ROR2: variants seen among roughly 807,000 people sequenced by gnomAD.
ROR2 encodes the protein ROR family WNT receptor 2, also known as tyrosine-protein kinase transmembrane receptor ROR2.
Under a neutral mutation model 74.9 loss-of-function variants are expected in ROR2, and 33 were observed. That is an observed-to-expected ratio of 0.44 (90% CI 0.33 to 0.59). The LOEUF (loss-of-function observed/expected upper bound fraction) is 0.59. ROR2 is among the 20% of genes least tolerant of loss of function. The pLI is 0.02. For synonymous variants in ROR2, 586 were observed against 558.7 expected, an observed-to-expected ratio of 1.05 and a Z score of -0.69; for missense variants, 1,216 against 1,313.8, an observed-to-expected ratio of 0.93 and a Z score of 1.15.
chr9:91,783,724 A>G (rs1392561454), intron 1 of ROR2, among the ~76,000 whole-genome samples: 1 of 152,182 alleles, frequency 6.6e-6, no homozygotes, highest in Non-Finnish European at 1.5e-5. Flanking sequence ...CGGCTCTGCG[A>G]GCCTGGAGGG....
intron 1 of ROR2, among the ~76,000 whole-genome samples, chr9:91,796,007 C>T (rs1000174754): frequency 6.6e-6 from 1 of 152,138 alleles, no homozygotes; most frequent in African/African-American, 2.4e-5. Context: ...TGGTGGCACT[C>T]CCAGGCAAAG....
intron 1 of ROR2, among the ~76,000 whole-genome samples, chr9:91,876,968 A>G (rs1451689272): frequency 6.6e-6 from 1 of 152,186 alleles, no homozygotes; most frequent in Non-Finnish European, 1.5e-5. Context: ...AACAAAAGAC[A>G]TGCACATTTA....
At chr9:91,947,672 G>A (rs1832045873) in intron 1 of ROR2, among the ~76,000 whole-genome samples, 1 of 152,070 alleles carries the variant, frequency 6.6e-6, no homozygotes, top group African/African-American at 2.4e-5. Flanking sequence ...ACCTAGGATT[G>A]GTATATAGTC....
rs375692355 is a variant in ROR2 at position 91,772,288 on chromosome 9, C to A, written c.175+3453G>T. 2.6e-5 allele frequency among the ~76,000 whole-genome samples: 4 copies of A among 152,324 alleles called. No individual in the cohort carries two copies. The South Asian group carries it at 8.3e-4, about 32-fold the overall frequency. ...CTGTCCCGCTAAGAGTGCTGATGAT[C>A]CACCAATCATCACGATGGTGATGCT... On this transcript the variant is annotated intron_variant, in intron 2 of 8. Transcript: ENST00000375708.
At chr9:91,744,572 C>T (rs7031600) in intron 4 of ROR2, among the ~76,000 whole-genome samples, 13,096 of 152,112 alleles carry the variant, frequency 0.086, 791 homozygotes, top group African/African-American at 0.17. Context: ...GAGAATTAGA[C>T]GCTGTATATT....
chr9:91,788,734 G>A (rs12553067), intron 1 of ROR2, among the ~76,000 whole-genome samples: 44,221 of 151,364 alleles, frequency 0.29, 6,723 homozygotes, highest in South Asian at 0.38. Flanking sequence ...GCGTGGTGGC[G>A]GGCACCTGTA....
At chr9:91,892,348 G>A (rs553359555) in intron 1 of ROR2, among the ~76,000 whole-genome samples, 4 of 152,196 alleles carry the variant, frequency 2.6e-5, no homozygotes, top group Non-Finnish European at 4.4e-5. Flanking sequence ...AGAGCAGCCT[G>A]GGACAGAACC....
chr9:91,896,986 G>A (rs1009826523), intron 1 of ROR2, among the ~76,000 whole-genome samples: 11 of 152,182 alleles, frequency 7.2e-5, no homozygotes, highest in African/African-American at 1.4e-4. Flanking sequence ...TTTAAAGAGC[G>A]AGTGGGAGCA....
At chr9:91,740,514 T>C (rs1825193355) in intron 4 of ROR2, among the ~76,000 whole-genome samples, 1 of 148,440 alleles carries the variant, frequency 6.7e-6, no homozygotes, top group Non-Finnish European at 1.5e-5. Flanking sequence ...AATACGCCAC[T>C]GCACTCCAGC....
chr9:91,768,942 G>A (rs1043495127), intron 2 of ROR2, among the ~76,000 whole-genome samples: 5 of 152,186 alleles, frequency 3.3e-5, no homozygotes, highest in Non-Finnish European at 7.3e-5. Context: ...CCTCGAACAT[G>A]GCCTTCAGCC....
chr9:91,805,036 A>G (rs186147034), intron 1 of ROR2, among the ~76,000 whole-genome samples: 18 of 152,344 alleles, frequency 1.2e-4, no homozygotes, highest in Admixed American at 9.8e-4. Context: ...TGGTAGGACG[A>G]AAGTAGTATT....
At position 91,757,255 on chromosome 9, in the gene ROR2, T is replaced by A. The variant is rs1482841025; in HGVS notation, c.463+17A>T. 6.2e-7 allele frequency: 1 copy of A among 1,613,686 alleles called. No homozygotes were observed. Among genetic ancestry groups the A allele is most frequent in the South Asian group, 1.1e-5 (1 of 91,042 alleles). On this transcript the variant is annotated intron_variant, in intron 3 of 8. Transcript: ENST00000375708. ...CTTCATATCTGCTAACCCACACAAT[T>A]TCACTGTCCAACTCACCCAGCCGCA...
chr9:91,753,578 T>TAGAGAAACCCAGCCAC (rs1296095042), intron 4 of ROR2, among the ~76,000 whole-genome samples: 1 of 152,100 alleles, frequency 6.6e-6, no homozygotes, highest in East Asian at 1.9e-4. Context: ...GAATCTCTCC[T>TAGAGAAACCCAGCCAC]AGAGAAACCC....
chr9:91,811,696 C>A (rs2119104453), intron 1 of ROR2, among the ~76,000 whole-genome samples: 1 of 152,334 alleles, frequency 6.6e-6, no homozygotes, highest in Admixed American at 6.5e-5. Flanking sequence ...CCAGGGGCAG[C>A]CCCACACCTG....
intron 7 of ROR2, among the ~76,000 whole-genome samples, chr9:91,728,893 C>T (rs1244410764): frequency 6.6e-6 from 1 of 152,172 alleles, no homozygotes; most frequent in Non-Finnish European, 1.5e-5. Context: ...TCTCCAACTG[C>T]CCCATCCAGC....
intron 2 of ROR2, among the ~76,000 whole-genome samples, chr9:91,760,199 G>A (rs1825869481): frequency 6.6e-6 from 1 of 152,160 alleles, no homozygotes; most frequent in African/African-American, 2.4e-5. Context: ...CATGGAAGGT[G>A]TTTTCTGGCT....
rs75344886 is a variant in ROR2, at chr9:91,938,713, T to A, written c.97+11154A>T. Among the ~76,000 whole-genome samples the A allele has an allele frequency of 5.8e-4, 88 of 152,330 alleles. 1 individual carries two copies. The highest frequency in any genetic ancestry group is 1.0e-3 in the Non-Finnish European group (68 of 68,022). ...GAGTTTTTAAATAGGTAAGTACACATCTCTCCTTCTGTATCATTCTCCCCA... is the reference window on the plus strand; with the variant it reads ...GAGTTTTTAAATAGGTAAGTACACAACTCTCCTTCTGTATCATTCTCCCCA... On this transcript the variant is annotated intron_variant, in intron 1 of 8. Transcript: ENST00000375708.
At chr9:91,873,623 C>T (rs1829870096) in intron 1 of ROR2, among the ~76,000 whole-genome samples, 1 of 152,136 alleles carries the variant, frequency 6.6e-6, no homozygotes. Flanking sequence ...CCAATGGGAA[C>T]AAAAAGTGTC....
chr9:91,915,450 G>A (rs1373390507), intron 1 of ROR2, among the ~76,000 whole-genome samples: 4 of 152,188 alleles, frequency 2.6e-5, no homozygotes, highest in Non-Finnish European at 4.4e-5. Flanking sequence ...TAAAGGTGGT[G>A]TGTCTGGAGT....
Sources: allele counts gnomAD v4.1 joint callset (sites outside exome capture counted in the v4.1 genomes callset), GRCh38; gene constraint gnomAD v4.1.1; transcripts MANE v1.5; gene names NCBI Gene and HGNC (gene_info 2026-07-23, HGNC 2026-07-21).